Variants in RAD23B observed in about 807,000 individuals in gnomAD.
RAD23B encodes the protein RAD23 nucleotide excision repair protein B.
Under a neutral mutation model 49.1 loss-of-function variants are expected in RAD23B, and 5 were observed. The observed-to-expected ratio is 0.10, with a 90% CI of 0.05 to 0.21. The LOEUF (loss-of-function observed/expected upper bound fraction) is 0.21. RAD23B is among the 10% of genes least tolerant of loss of function. RAD23B has a pLI of 1.00. For synonymous variants in RAD23B, 184 were observed against 165.4 expected (o/e 1.11, Z -0.86); for missense variants, 356 against 486.7 (o/e 0.73, Z 2.53).
chr9:107,328,522 A>G (rs539373963), intron 9 of RAD23B, among the ~76,000 whole-genome samples: 15 of 152,322 alleles, frequency 9.8e-5, no homozygotes, highest in Non-Finnish European at 1.9e-4. Flanking sequence ...CACAGTTCAC[A>G]GTAGGGTTCA....
intron 3 of RAD23B, among the ~76,000 whole-genome samples, chr9:107,305,000 A>G (rs895053351): frequency 4.6e-5 from 7 of 152,206 alleles, no homozygotes; most frequent in African/African-American, 1.7e-4. Context: ...ACTATTAAGA[A>G]AATCATGGCC....
intron 1 of RAD23B, among the ~76,000 whole-genome samples, chr9:107,288,265 A>G (rs1286334782): frequency 6.6e-6 from 1 of 152,184 alleles, no homozygotes; most frequent in East Asian, 1.9e-4. Flanking sequence ...TTATTTATTT[A>G]ATAAATATTT....
intron 9 of RAD23B, among the ~76,000 whole-genome samples, chr9:107,325,398 G>T (rs563397239): frequency 2.0e-5 from 3 of 150,956 alleles, no homozygotes; most frequent in Admixed American, 1.3e-4. Context: ...TTAATAATAA[G>T]GTTTTTCTAT....
At chr9:107,296,463 T>C in intron 1 of RAD23B, among the ~76,000 whole-genome samples, 1 of 152,234 alleles carries the variant, frequency 6.6e-6, no homozygotes, top group Non-Finnish European at 1.5e-5. Context: ...CTAATGAGGT[T>C]GAGCTTTTCT....
At chr9:107,295,329 GA>G (rs1826485487) in intron 1 of RAD23B, among the ~76,000 whole-genome samples, 1 of 152,146 alleles carries the variant, frequency 6.6e-6, no homozygotes, top group Non-Finnish European at 1.5e-5. Context: ...GAATGAAAGT[GA>G]ACTGAGTGAG....
chr9:107,285,111 C>G (rs1833249498), intron 1 of RAD23B, among the ~76,000 whole-genome samples: 1 of 152,090 alleles, frequency 6.6e-6, no homozygotes, highest in Non-Finnish European at 1.5e-5. Flanking sequence ...TGGGTGTATG[C>G]TGTGTGATTA....
At chr9:107,310,597 G>T (rs1391496017) in intron 4 of RAD23B, among the ~76,000 whole-genome samples, 2 of 152,132 alleles carry the variant, frequency 1.3e-5, no homozygotes, top group African/African-American at 2.4e-5. Context: ...TGGGTTAGGG[G>T]TAGGAAAAAT....
chr9:107,326,406 GGGA>G (rs1564253705), intron 9 of RAD23B, among the ~76,000 whole-genome samples: 1 of 150,148 alleles, frequency 6.7e-6, no homozygotes, highest in Non-Finnish European at 1.5e-5. Context: ...GCGTGAACCC[GGGA>G]GGCGGAGCTT....
At chr9:107,286,623 A>T (rs1248569742) in intron 1 of RAD23B, among the ~76,000 whole-genome samples, 1 of 152,176 alleles carries the variant, frequency 6.6e-6, no homozygotes, top group Non-Finnish European at 1.5e-5. Flanking sequence ...AGAAGGTGGT[A>T]TGTGTGGGGT....
chr9:107,323,933 G>T lies in RAD23B; in HGVS notation c.861G>T (p.Gln287His). 1 of 1,612,140 alleles carries T rather than the reference G, an allele frequency of 6.2e-7. No homozygotes were observed. The highest frequency in any genetic ancestry group is 8.5e-7 in the Non-Finnish European group (1 of 1,178,232). ...TACGGAATCAGCCTCAGTTTCAACA[G>T]ATGAGACAAATTATTCAGCAGAATC... ...EFLRNQPQFQ[Q>H]MRQIIQQNPS... The change falls in exon 8 of 10, where the codon CAG becomes CAT. Residue 287 changes from glutamine to histidine, a missense_variant. Around this residue, in one of 5 missense-constraint regions of RAD23B, gnomAD observed 148 missense variants for 231.7 expected, o/e 0.64. Transcript: ENST00000358015.
intron 1 of RAD23B, among the ~76,000 whole-genome samples, chr9:107,288,992 T>G (rs2133062871): frequency 6.6e-6 from 1 of 152,020 alleles, no homozygotes; most frequent in African/African-American, 2.4e-5. Flanking sequence ...CAGAAATCTT[T>G]GTTTCTTTGT....
chr9:107,283,436 G>A lies in RAD23B; in HGVS notation c.-194G>A. On this transcript the variant is annotated 5_prime_UTR_variant, in exon 1 of 10. Transcript: ENST00000358015. ...CGCGGGGAAGGCCGCAGTCGCGGAG[G>A]CAGCGGCGCGGTCCGGGGCACGGGC... 1 of 438,076 alleles carries A rather than the reference G, an allele frequency of 2.3e-6. No individual in the cohort carries two copies. 27.1% of individuals were successfully genotyped at this position (438,076 alleles called of 1,614,324 possible).
intron 3 of RAD23B, among the ~76,000 whole-genome samples, chr9:107,306,047 A>G (rs765676867): frequency 1.3e-3 from 24 of 18,382 alleles, no homozygotes; most frequent in African/African-American, 5.6e-3. Context: ...GATACGGTTT[A>G]TATCTATATA....
intron 4 of RAD23B, 45 bp from the exon 5 acceptor site, chr9:107,311,637 T>A: frequency 7.2e-7 from 1 of 1,396,736 alleles, no homozygotes; most frequent in Non-Finnish European, 9.8e-7. Context: ...TAAATTAAAT[T>A]TTATATACTT....
chr9:107,302,842 G>A (rs1408696906), intron 3 of RAD23B, among the ~76,000 whole-genome samples: 2 of 151,918 alleles, frequency 1.3e-5, no homozygotes, highest in African/African-American at 2.4e-5. Flanking sequence ...ATTTTTAGTA[G>A]AGACAGGGTT....
intron 1 of RAD23B, among the ~76,000 whole-genome samples, chr9:107,287,054 G>A (rs1353404913): frequency 7.0e-6 from 1 of 143,702 alleles, no homozygotes; most frequent in Non-Finnish European, 1.5e-5. Flanking sequence ...CAGCCTGGGC[G>A]ACAAAGCGAG....
intron 1 of RAD23B, among the ~76,000 whole-genome samples, chr9:107,289,808 T>C (rs1437954183): frequency 6.6e-6 from 1 of 152,212 alleles, no homozygotes; most frequent in Non-Finnish European, 1.5e-5. Flanking sequence ...TTAACAGTGC[T>C]TGGCAATGTG....
At chr9:107,300,734 A>G (rs1043002998) in intron 2 of RAD23B, among the ~76,000 whole-genome samples, 27 of 152,210 alleles carry the variant, frequency 1.8e-4, no homozygotes, top group African/African-American at 5.5e-4. Context: ...GGAATTATAC[A>G]TTTGACTAGC....
At position 107,313,558 on chromosome 9, in the gene RAD23B, G is replaced by A. The variant is rs184129382; in HGVS notation, c.553+1821G>A. 2.0e-5 allele frequency among the ~76,000 whole-genome samples: 3 copies of A among 152,232 alleles called. No homozygotes were observed. In the East Asian group the frequency reaches 5.8e-4, roughly 29 times the overall value. On this transcript the variant is annotated intron_variant, in intron 5 of 9. Transcript: ENST00000358015. ...GTTTTATTTTACCTGACTATTAAAT[G>A]TATGAGTTTTCTATGGTTCCATTCT...
Sources: allele counts gnomAD v4.1 joint callset (sites outside exome capture counted in the v4.1 genomes callset), GRCh38; gene constraint gnomAD v4.1.1; regional missense constraint gnomAD v4.1.1; transcripts MANE v1.5; gene names NCBI Gene and HGNC (gene_info 2026-07-23, HGNC 2026-07-21).